The following CPA6 variants were observed in gnomAD, a reference collection of about 807,000 sequenced individuals.
The protein encoded by CPA6 is carboxypeptidase B.
In CPA6, 58 loss-of-function variants were observed where a neutral mutation model predicts 63.3. The ratio of observed to expected loss-of-function variants is 0.92; its 90% CI spans 0.74 to 1.14. The LOEUF is 1.14. CPA6 is among the 50% of genes most tolerant of loss of function. The pLI is 0.00. For synonymous variants in CPA6, 185 were observed against 179.0 expected (o/e 1.03, Z -0.27); for missense variants, 565 against 526.6 (o/e 1.07, Z -0.71).
intron 2 of CPA6, among the ~76,000 whole-genome samples, chr8:67,576,086 T>G (rs148343537): frequency 2.6e-4 from 40 of 152,286 alleles, no homozygotes; most frequent in African/African-American, 9.4e-4. Flanking sequence ...ATAGTAGGAA[T>G]AAGTTGGATT....
intron 2 of CPA6, among the ~76,000 whole-genome samples, chr8:67,562,169 T>C (rs1310921449): frequency 2.0e-5 from 3 of 152,198 alleles, no homozygotes; most frequent in Non-Finnish European, 2.9e-5. Context: ...AAGCTGCTAG[T>C]TCTTTAGATG....
intron 2 of CPA6, among the ~76,000 whole-genome samples, chr8:67,578,833 C>A (rs192992161): frequency 6.6e-6 from 1 of 152,200 alleles, no homozygotes; most frequent in East Asian, 1.9e-4. Flanking sequence ...AAATCTATAT[C>A]TAAAATAAGA....
At chr8:67,502,180 C>A (rs536656175) in intron 6 of CPA6, among the ~76,000 whole-genome samples, 2 of 152,222 alleles carry the variant, frequency 1.3e-5, no homozygotes, top group African/African-American at 4.8e-5. Context: ...TTTAAAATAA[C>A]CAGGCCAGGT....
chr8:67,601,246 C>T (rs74754020), intron 2 of CPA6, among the ~76,000 whole-genome samples: 8 of 152,304 alleles, frequency 5.3e-5, no homozygotes, highest in Admixed American at 3.3e-4. Context: ...TCTAGCTCAA[C>T]GGTAATATCA....
At chr8:67,427,377 T>C (rs1441083874) in intron 10 of CPA6, among the ~76,000 whole-genome samples, 2 of 152,218 alleles carry the variant, frequency 1.3e-5, no homozygotes, top group Non-Finnish European at 2.9e-5. Flanking sequence ...GGCCACTTCT[T>C]TGGACTTCAC....
chr8:67,648,197 G>A (rs1303605655), intron 1 of CPA6, among the ~76,000 whole-genome samples: 5 of 150,438 alleles, frequency 3.3e-5, no homozygotes, highest in African/African-American at 1.2e-4. Flanking sequence ...CCTATGTACC[G>A]CAGAGACTGT....
intron 1 of CPA6, among the ~76,000 whole-genome samples, chr8:67,739,664 G>C (rs1817876813): frequency 6.6e-6 from 1 of 152,124 alleles, no homozygotes; most frequent in African/African-American, 2.4e-5. Flanking sequence ...TCTCTGATCT[G>C]ACTAGATCTG....
chr8:67,731,458 T>C (rs946419799), intron 1 of CPA6, among the ~76,000 whole-genome samples: 9 of 152,190 alleles, frequency 5.9e-5, no homozygotes, highest in African/African-American at 2.2e-4. Context: ...GACCAACTGA[T>C]TTCACACCAC....
intron 3 of CPA6, among the ~76,000 whole-genome samples, chr8:67,515,630 G>A (rs1027854096): frequency 2.7e-5 from 4 of 147,486 alleles, no homozygotes; most frequent in African/African-American, 1.1e-4. Flanking sequence ...CGAACTCTTG[G>A]CCTGCCTTGA....
At chr8:67,444,101 C>G (rs941198891) in intron 8 of CPA6, among the ~76,000 whole-genome samples, 62 of 151,626 alleles carry the variant, frequency 4.1e-4, no homozygotes, top group Non-Finnish European at 7.8e-4. Context: ...ACGCCATTCT[C>G]CTGCCTCAGC....
chr8:67,424,387 T>C (rs1249062971), intron 10 of CPA6, among the ~76,000 whole-genome samples: 1 of 152,146 alleles, frequency 6.6e-6, no homozygotes, highest in East Asian at 1.9e-4. Context: ...CTGCTGTAGA[T>C]GATTGCCCCA....
chr8:67,702,371 T>C (rs1276468751), intron 1 of CPA6, among the ~76,000 whole-genome samples: 2 of 152,138 alleles, frequency 1.3e-5, no homozygotes, highest in Non-Finnish European at 2.9e-5. Flanking sequence ...TGTAGCTTTA[T>C]CATGTTAGAG....
chr8:67,593,636 G>A (rs1260938805), intron 2 of CPA6, among the ~76,000 whole-genome samples: 3 of 152,164 alleles, frequency 2.0e-5, no homozygotes, highest in African/African-American at 7.2e-5. Flanking sequence ...TTACCATTAT[G>A]TAATGGCCTT....
At chr8:67,664,595 C>T (rs982388834) in intron 1 of CPA6, among the ~76,000 whole-genome samples, 1 of 152,122 alleles carries the variant, frequency 6.6e-6, no homozygotes, top group South Asian at 2.1e-4. Context: ...TCTCCTGCCC[C>T]CTGCCTTTTT....
At chr8:67,577,530 G>A (rs1468382193) in intron 2 of CPA6, among the ~76,000 whole-genome samples, 1 of 152,064 alleles carries the variant, frequency 6.6e-6, no homozygotes, top group South Asian at 2.1e-4. Flanking sequence ...GCTCTTCGAA[G>A]CGTAAGAAAG....
chr8:67,674,722 A>G (rs1198024068), intron 1 of CPA6, among the ~76,000 whole-genome samples: 1 of 152,162 alleles, frequency 6.6e-6, no homozygotes. Flanking sequence ...ACATGCACTC[A>G]TATGTTTGTC....
intron 2 of CPA6, among the ~76,000 whole-genome samples, chr8:67,545,952 A>G (rs1344098195): frequency 6.6e-6 from 1 of 152,106 alleles, no homozygotes; most frequent in Non-Finnish European, 1.5e-5. Context: ...TGGACAGCAC[A>G]TCTGAGCTCT....
In CPA6 at chr8:67,434,166, C is replaced by G. The variant is rs760988775; in HGVS notation, c.913G>C (p.Ala305Pro). The change falls in exon 9 of 11, where the codon GCT becomes CCT. Residue 305 changes from alanine (A) to proline (P), a missense_variant. Physicochemically the swap from Ala to Pro is conservative, Grantham distance 27. Coordinates refer to ENST00000297770, the MANE Select transcript of CPA6 (RefSeq NM_020361.5). ...TGTTTTCGAAGGAAGTTAGCTACAG[C>G]CTTCACTTCCGGCTCAGATTCTGGA... is the stretch of plus-strand genomic sequence containing the variant. ...PFPESEPEVK[A>P]VANFLRKHRK... is the part of the protein sequence containing the mutation. The G allele has an allele frequency of 1.2e-6, 2 of 1,614,116 alleles. No homozygotes were observed. The highest frequency in any genetic ancestry group is 2.2e-5 in the East Asian group (1 of 44,868).
At chr8:67,721,095 A>C (rs1817489554) in intron 1 of CPA6, among the ~76,000 whole-genome samples, 1 of 152,240 alleles carries the variant, frequency 6.6e-6, no homozygotes, top group Admixed American at 6.5e-5. Context: ...GCAGGCTGGC[A>C]AAAAAATTTC....
Sources: allele counts gnomAD v4.1 joint callset (sites outside exome capture counted in the v4.1 genomes callset), GRCh38; gene constraint gnomAD v4.1.1; transcripts MANE v1.5; gene names NCBI Gene and HGNC (gene_info 2026-07-23, HGNC 2026-07-21).